The following LUZP2 variants were observed in gnomAD, a reference collection of about 807,000 sequenced individuals.
The protein encoded by LUZP2 is leucine zipper protein 2.
Under a neutral mutation model 51.6 loss-of-function variants are expected in LUZP2, and 52 were observed. The observed-to-expected ratio is 1.01, with a 90% CI of 0.81 to 1.27. The LOEUF is 1.27. Among genes scored for constraint, LUZP2 ranks in the 50% most tolerant of loss-of-function variants. The pLI, the probability that LUZP2 is intolerant of heterozygous loss-of-function variation, is 0.00. For synonymous variants in LUZP2, 154 were observed against 137.3 expected (o/e 1.12, Z -0.85); for missense variants, 436 against 395.4 (o/e 1.10, Z -0.87).
At chr11:24,932,264 A>G (rs1169536647) in intron 7 of LUZP2, among the ~76,000 whole-genome samples, 3 of 152,126 alleles carry the variant, frequency 2.0e-5, no homozygotes, top group Non-Finnish European at 4.4e-5. Context: ...CATTCAAGAG[A>G]TCATCAGCTG....
In LUZP2 at chr11:25,077,791, C is replaced by T. The variant is rs529811239; in HGVS notation, c.936+385C>T. Among the ~76,000 whole-genome samples the T allele has an allele frequency of 5.3e-5, 8 of 152,172 alleles. 1 individual carries two copies. Among genetic ancestry groups the T allele is most frequent in the South Asian group, 4.1e-4 (2 of 4,820 alleles). On this transcript the variant is annotated intron_variant, in intron 11 of 11. Transcript: ENST00000336930. ...GATTACAGGCGTGAGCCACCGCGCCCGACCAGATCCATGGTATTTAACACT... is the reference window on the plus strand; with the variant it reads ...GATTACAGGCGTGAGCCACCGCGCCTGACCAGATCCATGGTATTTAACACT...
intron 1 of LUZP2, among the ~76,000 whole-genome samples, chr11:24,643,741 T>A (rs1385119100): frequency 6.6e-6 from 1 of 152,150 alleles, no homozygotes; most frequent in Non-Finnish European, 1.5e-5. Flanking sequence ...AATGCACACA[T>A]TAGTCACTAC....
chr11:24,570,316 A>G (rs1267687508), intron 1 of LUZP2, among the ~76,000 whole-genome samples: 1 of 152,090 alleles, frequency 6.6e-6, no homozygotes, highest in Non-Finnish European at 1.5e-5. Flanking sequence ...GTCATCTTTT[A>G]TATGCAAAAA....
chr11:24,566,374 G>A (rs1327994727), intron 1 of LUZP2, among the ~76,000 whole-genome samples: 2 of 142,352 alleles, frequency 1.4e-5, no homozygotes, highest in Non-Finnish European at 3.0e-5. Context: ...TCTGTCGCCA[G>A]GCTGAAGTGC....
intron 1 of LUZP2, among the ~76,000 whole-genome samples, chr11:24,726,325 G>A (rs1475980026): frequency 1.3e-5 from 2 of 151,908 alleles, no homozygotes; most frequent in African/African-American, 4.8e-5. Flanking sequence ...TTAGGTGAAG[G>A]TGTGAAGAAC....
intron 1 of LUZP2, among the ~76,000 whole-genome samples, chr11:24,701,856 G>A (rs1565086376): frequency 2.6e-5 from 4 of 152,134 alleles, no homozygotes; most frequent in Non-Finnish European, 4.4e-5. Context: ...GAAGGGATTC[G>A]TTTTTATAAC....
Position 24,808,927 on chromosome 11 carries a change from T to A in LUZP2, c.396+45619T>A, listed in dbSNP as rs59322010. Among the ~76,000 whole-genome samples the A allele has an allele frequency of 8.1e-3, 1,241 of 152,294 alleles. 22 individuals are homozygous for A. Among genetic ancestry groups the A allele is most frequent in the African/African-American group, 0.028 (1,165 of 41,574 alleles). ...TATAAAAACCAATAGTTTATATCAA[T>A]TTAGAATTACTCTGGCTTAGAGTTA... On this transcript the variant is annotated intron_variant, in intron 5 of 11. Coordinates refer to ENST00000336930, the MANE Select transcript of LUZP2 (RefSeq NM_001009909.4).
chr11:24,729,291 G>C lies in LUZP2; in HGVS notation c.180+5G>C. The C allele has an allele frequency of 1.4e-6, 2 of 1,474,992 alleles. No individual in the cohort carries two copies. Among genetic ancestry groups the C allele is most frequent in the Non-Finnish European group, 1.9e-6 (2 of 1,078,944 alleles). 91.4% of individuals were successfully genotyped at this position (1,474,992 alleles called of 1,614,324 possible). A position where few individuals can be genotyped will look rare whatever the true frequency, so the allele number is the denominator to read the frequency against. ...GGAATTAAAGTCAATCTTCAGGTGA[G>C]ATGAGAACTCATTTTCCGAGCAGTA... On this transcript the variant is annotated splice_donor_5th_base_variant and intron_variant, in intron 2 of 11. Coordinates refer to ENST00000336930, the MANE Select transcript of LUZP2 (RefSeq NM_001009909.4).
intron 10 of LUZP2, among the ~76,000 whole-genome samples, chr11:25,063,283 G>A (rs1858902129): frequency 6.6e-6 from 1 of 151,578 alleles, no homozygotes; most frequent in African/African-American, 2.4e-5. Flanking sequence ...TTTATTTAAG[G>A]GACTTGAGCA....
chr11:24,724,255 G>A (rs1858388791), intron 1 of LUZP2, among the ~76,000 whole-genome samples: 1 of 152,086 alleles, frequency 6.6e-6, no homozygotes, highest in South Asian at 2.1e-4. Flanking sequence ...ACTCAGTGAT[G>A]AAGCATAACT....
intron 1 of LUZP2, among the ~76,000 whole-genome samples, chr11:24,607,917 A>G (rs1470451983): frequency 1.3e-5 from 2 of 150,826 alleles, no homozygotes; most frequent in African/African-American, 2.4e-5. Context: ...GGCGCGATCT[A>G]GGCTCACTGC....
intron 7 of LUZP2, among the ~76,000 whole-genome samples, chr11:24,949,326 A>ATCTC (rs1272255459): frequency 2.8e-5 from 1 of 36,340 alleles, no homozygotes; most frequent in Non-Finnish European, 6.3e-5. Context: ...CTATCTATCT[A>ATCTC]TCTATCTCTC....
intron 4 of LUZP2, among the ~76,000 whole-genome samples, chr11:24,761,550 G>C (rs1454544136): frequency 6.6e-6 from 1 of 152,156 alleles, no homozygotes; most frequent in Non-Finnish European, 1.5e-5. Context: ...GCTAATGCCA[G>C]AGCTGTATCC....
At chr11:24,574,406 C>CTT (rs1468794007) in intron 1 of LUZP2, among the ~76,000 whole-genome samples, 2 of 140,862 alleles carry the variant, frequency 1.4e-5, no homozygotes, top group African/African-American at 2.6e-5. Flanking sequence ...CTCTCTCTCT[C>CTT]TCTCTGGTGT....
intron 9 of LUZP2, among the ~76,000 whole-genome samples, chr11:24,997,136 T>C (rs573622624): frequency 2.6e-4 from 39 of 150,594 alleles, no homozygotes; most frequent in Non-Finnish European, 4.7e-4. Flanking sequence ...ATATACCCAG[T>C]AATGGGATGG....
intron 7 of LUZP2, among the ~76,000 whole-genome samples, chr11:24,959,368 T>C (rs961774544): frequency 2.6e-5 from 4 of 152,306 alleles, no homozygotes; most frequent in South Asian, 2.1e-4. Context: ...TTCATGATAT[T>C]GATACTTCCT....
chr11:24,519,018 AG>A (rs1850560122), intron 1 of LUZP2, among the ~76,000 whole-genome samples: 1 of 152,204 alleles, frequency 6.6e-6, no homozygotes, highest in Admixed American at 6.5e-5. Flanking sequence ...GTCCCAAGTT[AG>A]GTAGACGTGT....
rs562103271 is a variant in LUZP2 at position 24,898,085 on chromosome 11, G to A, written c.397-7906G>A. Among the ~76,000 whole-genome samples the A allele has an allele frequency of 1.1e-4, 17 of 151,986 alleles. No homozygotes were observed. The East Asian group carries it at 3.1e-3, about 28-fold the overall frequency. ...ATCTAGGAGATTCTGCTATTGAGAA[G>A]AAAAAAACTGGAATGTATTTTCAAA... On this transcript the variant is annotated intron_variant, in intron 5 of 11. Coordinates refer to ENST00000336930, the MANE Select transcript of LUZP2 (RefSeq NM_001009909.4).
At chr11:24,874,364 G>A (rs1201829235) in intron 5 of LUZP2, among the ~76,000 whole-genome samples, 2 of 152,108 alleles carry the variant, frequency 1.3e-5, no homozygotes, top group Middle Eastern at 3.2e-3. Context: ...GGTGAAACAT[G>A]GCTTTATTAT....
Sources: allele counts gnomAD v4.1 joint callset (sites outside exome capture counted in the v4.1 genomes callset), GRCh38; gene constraint gnomAD v4.1.1; transcripts MANE v1.5; gene names NCBI Gene and HGNC (gene_info 2026-07-23, HGNC 2026-07-21).